Variants in FANCI observed in about 807,000 individuals in gnomAD.
FANCI encodes FA complementation group I.
A neutral mutation model predicts 176.1 loss-of-function variants in FANCI; 156 were observed. The ratio of observed to expected loss-of-function variants is 0.89; its 90% CI spans 0.78 to 1.01. FANCI has a LOEUF of 1.01. Ranked by LOEUF, FANCI falls within the 50% of genes least tolerant of loss-of-function variation. The probability of loss-of-function intolerance (pLI) is 0.00; values close to 1 mark genes in which losing one functional copy is unlikely to be tolerated. For synonymous variants in FANCI, 613 were observed against 541.7 expected, an observed-to-expected ratio of 1.13 and a Z score of -1.83; for missense variants, 1,678 against 1,534.1, an observed-to-expected ratio of 1.09 and a Z score of -1.57.
In FANCI at chr15:89,247,687, GCAGA is replaced by G. The variant is rs758733861; in HGVS notation, c.43_46del (p.Asp15AsnfsTer9). On this transcript the variant is annotated frameshift_variant, in exon 2 of 38. Coordinates refer to ENST00000310775, the MANE Select transcript of FANCI (RefSeq NM_001113378.2). LOFTEE classifies it high-confidence loss of function. ...TTTATCTCTAGCAGCAGAAAAAACA[GCAGA>G]CAAACTGCAAGAATTTCTTCAAACC... The G allele has an allele frequency of 3.7e-6, 6 of 1,613,966 alleles. No homozygotes were observed. The South Asian group carries it at 6.6e-5, about 18-fold the overall frequency.
At chr15:89,297,296 G>C (rs947026416) in intron 24 of FANCI, among the ~76,000 whole-genome samples, 2 of 150,858 alleles carry the variant, frequency 1.3e-5, no homozygotes, top group African/African-American at 4.9e-5. Flanking sequence ...GGGAAGAGGC[G>C]CTCCTCACCT....
intron 17 of FANCI, among the ~76,000 whole-genome samples, chr15:89,283,580 A>G (rs1263399591): frequency 1.3e-5 from 2 of 152,238 alleles, no homozygotes; most frequent in African/African-American, 4.8e-5. Flanking sequence ...TTGAAATAAA[A>G]GAATGTAAAA....
At chr15:89,287,028 C>G (rs2053846588) in intron 18 of FANCI, among the ~76,000 whole-genome samples, 2 of 125,442 alleles carry the variant, frequency 1.6e-5, no homozygotes, top group African/African-American at 6.2e-5. Flanking sequence ...GGCTGTAGTG[C>G]AGTGGCACAA....
At chr15:89,307,585 A>G in intron 33 of FANCI, 28 bp from the exon 34 acceptor site, 4 of 1,614,168 alleles carry the variant, frequency 2.5e-6, no homozygotes, top group East Asian at 4.5e-5. Flanking sequence ...TGCTGGTTAC[A>G]TTGGTTTCCT....
At chr15:89,303,723 T>A (rs1394972320) in intron 27 of FANCI, 141 bp from the exon 28 acceptor site, 3 of 682,850 alleles carry the variant, frequency 4.4e-6, no homozygotes, top group African/African-American at 3.6e-5. Flanking sequence ...CCCTTCATCA[T>A]ATATTACCAC....
intron 4 of FANCI, among the ~76,000 whole-genome samples, chr15:89,261,312 A>G (rs960574720): frequency 6.6e-6 from 1 of 152,120 alleles, no homozygotes; most frequent in Non-Finnish European, 1.5e-5. Context: ...ACTTAGGTGT[A>G]TATATTACAT....
chr15:89,303,786 C>G, intron 27 of FANCI, 78 bp from the exon 28 acceptor site: 1 of 1,296,602 alleles, frequency 7.7e-7, no homozygotes, highest in Non-Finnish European at 1.1e-6. Flanking sequence ...ATGGAAAGGT[C>G]TAGAACTCTT....
intron 34 of FANCI, 149 bp downstream of exon 34, chr15:89,307,821 G>A: frequency 5.9e-6 from 9 of 1,522,412 alleles, no homozygotes; most frequent in Non-Finnish European, 7.9e-6. Context: ...CCAAGCCAAG[G>A]CTTGAGGGCT....
At chr15:89,293,564 T>C (rs1303157232) in intron 22 of FANCI, among the ~76,000 whole-genome samples, 2 of 152,188 alleles carry the variant, frequency 1.3e-5, no homozygotes, top group Non-Finnish European at 2.9e-5. Flanking sequence ...GCCTGGGACC[T>C]GTAGTCCTAG....
Position 89,295,038 on chromosome 15 carries a change from T to A in FANCI, c.2580T>A (p.Ser860Arg), listed in dbSNP as rs906819602. 7.1e-6 allele frequency: 11 copies of A among 1,551,882 alleles called. No individual in the cohort carries two copies. The highest frequency in any genetic ancestry group is 9.6e-6 in the Non-Finnish European group (11 of 1,147,066). Residue 860 changes from serine to arginine, a missense_variant, in exon 24 of 38, where the codon AGT becomes AGA. Physicochemically the swap from Ser to Arg is moderately radical, Grantham distance 110. Around this residue, in one of 3 missense-constraint regions of FANCI, gnomAD observed 1,204 missense variants for 1,077.4 expected, o/e 1.12. Transcript: ENST00000310775. Reference protein sequence around the residue: ...VQQLKETGHVSGPDGQNPEKI... With the variant: ...VQQLKETGHVRGPDGQNPEKI... ...AGCTAAAGGAAACAGGGCATGTGAG[T>A]GGCCCTGATGGCCAAAACCCAGAAA... is the stretch of plus-strand genomic sequence containing the variant.
chr15:89,290,209 T>C lies in FANCI; in HGVS notation c.1822-4T>C. 2 of 1,612,164 alleles carry C rather than the reference T, an allele frequency of 1.2e-6. No homozygotes were observed. The highest frequency in any genetic ancestry group is 1.1e-5 in the South Asian group (1 of 91,032). On this transcript the variant is annotated splice_polypyrimidine_tract_variant and splice_region_variant and intron_variant, in intron 18 of 37. Coordinates refer to ENST00000310775, the MANE Select transcript of FANCI (RefSeq NM_001113378.2). ...GCTTATTTCTTCTCTTTGATTCCTC[T>C]TAGGGGTTTTATGATGTTCTTCGAA... is the stretch of plus-strand genomic sequence containing the variant.
rs932808252 is a variant in FANCI, at chr15:89,317,093, C to T, written c.*634C>T. ...TTGTTTTTCTGTCACCTATAGAGTG[C>T]AAGAATGCACTCTATAGAATAAATT... On this transcript the variant is annotated 3_prime_UTR_variant, in exon 38 of 38. Transcript: ENST00000310775. The T allele has an allele frequency of 1.5e-5, 9 of 590,094 alleles. No individual in the cohort carries two copies. Among genetic ancestry groups the T allele is most frequent in the Non-Finnish European group, 2.4e-5 (8 of 333,692 alleles). The allele number at this position is 590,094 out of a possible 1,614,324, so 36.6% of individuals were successfully genotyped here.
At chr15:89,293,489 C>T (rs145005429) in intron 22 of FANCI, among the ~76,000 whole-genome samples, 1,643 of 152,238 alleles carry the variant, frequency 0.011, 29 homozygotes, top group African/African-American at 0.038. Context: ...GAGTTCAAGA[C>T]CAGCCTGGCC....
intron 2 of FANCI, among the ~76,000 whole-genome samples, chr15:89,256,591 T>A (rs555325380): frequency 4.6e-5 from 7 of 152,354 alleles, no homozygotes; most frequent in African/African-American, 1.7e-4. Flanking sequence ...CTTCTCTTTT[T>A]AATGACTGAC....
chr15:89,265,322 C>T (rs185458613), intron 9 of FANCI, among the ~76,000 whole-genome samples: 146 of 152,306 alleles, frequency 9.6e-4, no homozygotes, highest in African/African-American at 3.1e-3. Flanking sequence ...ATTCTCCTGC[C>T]TCAGCCTCCT....
rs573652425 is a variant in FANCI, at chr15:89,285,124, A to G, written c.1727A>G (p.Asn576Ser). Residue 576 changes from asparagine to serine, a missense_variant, in exon 18 of 38, where the codon AAT becomes AGT. Asn to Ser is a conservative substitution (Grantham distance 46). This residue lies in a region of FANCI where 1,204 missense variants were observed against 1,077.4 expected (regional missense o/e 1.12). Coordinates refer to ENST00000310775, the MANE Select transcript of FANCI (RefSeq NM_001113378.2). ...CATGTGGATGTTCACAGCCATTACA[A>G]TTCTGTCGCCAATGAAACTTTTTGC... ...QVHVDVHSHY[N>S]SVANETFCLE... 22 of 1,614,136 alleles carry G rather than the reference A, an allele frequency of 1.4e-5. No individual in the cohort carries two copies. The Admixed American group carries it at 2.0e-4, about 15-fold the overall frequency.
At position 89,288,606 on chromosome 15, in the gene FANCI, G is replaced by C. The variant is rs1246006393; in HGVS notation, c.1822-1607G>C. Among the ~76,000 whole-genome samples the C allele has an allele frequency of 2.0e-5, 3 of 148,212 alleles. No homozygotes were observed. In the South Asian group the frequency reaches 6.4e-4, roughly 32 times the overall value. On this transcript the variant is annotated intron_variant, in intron 18 of 37. Coordinates refer to ENST00000310775, the MANE Select transcript of FANCI (RefSeq NM_001113378.2). The stretch of plus-strand genomic sequence containing the variant: ...AAATCTATTGATTTTCTTCCTCTGA[G>C]ATGTCTTCTATTACTTTTTTTTTTT...
chr15:89,301,493 AT>A, intron 27 of FANCI, 51 bp downstream of exon 27: 5 of 1,205,130 alleles, frequency 4.1e-6, no homozygotes, highest in Non-Finnish European at 6.2e-6. Context: ...GAAGGCAAGG[AT>A]TATTGCATCA....
intron 26 of FANCI, 108 bp downstream of exon 26, chr15:89,300,493 A>G: frequency 1.1e-6 from 1 of 913,116 alleles, no homozygotes; most frequent in Non-Finnish European, 1.8e-6. Context: ...TAGGAGAAGA[A>G]TTTTTTCTGG....
Sources: allele counts gnomAD v4.1 joint callset (sites outside exome capture counted in the v4.1 genomes callset), GRCh38; gene constraint gnomAD v4.1.1; regional missense constraint gnomAD v4.1.1; transcripts MANE v1.5; gene names NCBI Gene and HGNC (gene_info 2026-07-23, HGNC 2026-07-21).